DSE: variants seen among roughly 807,000 people sequenced by gnomAD.
DSE encodes the protein dermatan-sulfate epimerase.
A neutral mutation model predicts 84.4 loss-of-function variants in DSE; 36 were observed. The ratio of observed to expected loss-of-function variants is 0.43; its 90% CI spans 0.33 to 0.56. The LOEUF (loss-of-function observed/expected upper bound fraction) is 0.56, where lower values mean the gene tolerates loss of function less well. Ranked by LOEUF, DSE falls within the 20% of genes least tolerant of loss-of-function variation. The probability of loss-of-function intolerance (pLI) is 0.06; values close to 1 mark genes in which losing one functional copy is unlikely to be tolerated. For synonymous variants in DSE, 410 were observed against 430.1 expected (o/e 0.95, Z 0.58); for missense variants, 862 against 1,169.6 (o/e 0.74, Z 3.84).
intron 2 of DSE, among the ~76,000 whole-genome samples, chr6:116,332,339 G>C (rs1776998738): frequency 6.6e-6 from 1 of 151,816 alleles, no homozygotes; most frequent in African/African-American, 2.4e-5. Context: ...CTGAGCTTTA[G>C]ATCCAAAGAA....
At chr6:116,289,613 A>T (rs754173564) in intron 2 of DSE, among the ~76,000 whole-genome samples, 1 of 152,148 alleles carries the variant, frequency 6.6e-6, no homozygotes, top group Admixed American at 6.5e-5. Flanking sequence ...TTTCAGAACA[A>T]CTAGACCTTC....
intron 2 of DSE, chr6:116,279,950 C>G (rs549453965): frequency 1.7e-5 from 24 of 1,437,778 alleles, no homozygotes; most frequent in East Asian, 2.3e-5. Context: ...GCGGCGGTGT[C>G]GTCAGGACTG....
At chr6:116,434,686 A>G (rs1157431108) in intron 5 of DSE, among the ~76,000 whole-genome samples, 4 of 152,202 alleles carry the variant, frequency 2.6e-5, no homozygotes, top group Admixed American at 6.5e-5. Context: ...GCTTACATCT[A>G]CACTTTTTAA....
At chr6:116,402,461 T>G (rs1270289090) in intron 2 of DSE, among the ~76,000 whole-genome samples, 2 of 152,124 alleles carry the variant, frequency 1.3e-5, no homozygotes, top group African/African-American at 4.8e-5. Flanking sequence ...CTATCTACCT[T>G]ATAGGGTTGC....
At chr6:116,368,660 C>T (rs929769367), upstream of DSE, among the ~76,000 whole-genome samples, 1 of 152,178 alleles carries the variant, frequency 6.6e-6, no homozygotes, top group Non-Finnish European at 1.5e-5. Context: ...TAGGGAAATA[C>T]AGTAATTACA....
intron 2 of DSE, among the ~76,000 whole-genome samples, chr6:116,291,932 T>C (rs972423119): frequency 3.9e-5 from 6 of 152,140 alleles, no homozygotes; most frequent in African/African-American, 1.4e-4. Flanking sequence ...GATTGAGTTA[T>C]GGAATACAGG....
At chr6:116,328,107 T>C (rs541496984) in intron 2 of DSE, among the ~76,000 whole-genome samples, 1 of 152,290 alleles carries the variant, frequency 6.6e-6, no homozygotes, top group South Asian at 2.1e-4. Context: ...AAGCACCAAA[T>C]GGGCATTTCT....
chr6:116,390,211 G>C (rs1204816637), intron 1 of DSE, among the ~76,000 whole-genome samples: 1 of 151,826 alleles, frequency 6.6e-6, no homozygotes, highest in Non-Finnish European at 1.5e-5. Flanking sequence ...GGGACCCCAG[G>C]TACATGCCAC....
At chr6:116,339,628 A>C (rs1352782293) in intron 2 of DSE, among the ~76,000 whole-genome samples, 1 of 152,238 alleles carries the variant, frequency 6.6e-6, no homozygotes, top group Non-Finnish European at 1.5e-5. Context: ...GTGAGCAAGT[A>C]ATGAAAGCCT....
chr6:116,357,543 A>G (rs1453874577), intron 2 of DSE, among the ~76,000 whole-genome samples: 1 of 152,160 alleles, frequency 6.6e-6, no homozygotes, highest in Non-Finnish European at 1.5e-5. Context: ...AAAAAAAAAA[A>G]AAGTTATCTT....
intron 2 of DSE, among the ~76,000 whole-genome samples, chr6:116,275,145 C>T (rs1190387124): frequency 2.0e-5 from 3 of 152,166 alleles, no homozygotes; most frequent in Non-Finnish European, 2.9e-5. Flanking sequence ...TCAGACTAGC[C>T]ACATTTCAAG....
At chr6:116,310,669 C>T (rs1775642867) in intron 2 of DSE, among the ~76,000 whole-genome samples, 1 of 152,138 alleles carries the variant, frequency 6.6e-6, no homozygotes, top group African/African-American at 2.4e-5. Flanking sequence ...CCCAAATCTA[C>T]ACACTTTTCA....
At chr6:116,311,601 TG>T (rs1246583957) in intron 2 of DSE, among the ~76,000 whole-genome samples, 2 of 152,148 alleles carry the variant, frequency 1.3e-5, no homozygotes, top group Non-Finnish European at 2.9e-5. Flanking sequence ...TAAAAAAGAA[TG>T]AAGAGGATCA....
chr6:116,426,293 A>C (rs1186750079), intron 2 of DSE, among the ~76,000 whole-genome samples: 2 of 152,200 alleles, frequency 1.3e-5, no homozygotes, highest in African/African-American at 4.8e-5. Flanking sequence ...ATCTCTTTGA[A>C]TATATTCTAC....
intron 2 of DSE, among the ~76,000 whole-genome samples, chr6:116,334,884 A>C (rs1172889419): frequency 6.6e-6 from 1 of 152,228 alleles, no homozygotes; most frequent in Non-Finnish European, 1.5e-5. Context: ...AAAAGTCAAA[A>C]TATAACAGAT....
At position 116,439,038 on chromosome 6, in the gene DSE, G is replaced by T. The variant is rs1784339805; in HGVS notation, c.*1693G>T. 6.6e-6 allele frequency: 1 copy of T among 152,138 alleles called. No individual in the cohort carries two copies. The highest frequency in any genetic ancestry group is 2.4e-5 in the African/African-American group (1 of 41,442). The allele number at this position is 152,138 out of a possible 1,614,324, so 9.4% of individuals were successfully genotyped here. On this transcript the variant is annotated 3_prime_UTR_variant, in exon 6 of 6. Coordinates refer to ENST00000644252, the MANE Select transcript of DSE (RefSeq NM_013352.4). ...AAAGAATAATGCTTCCGTTTGTCCT[G>T]CATGGATGCTCTTACTAGGATTTAA...
intron 2 of DSE, among the ~76,000 whole-genome samples, chr6:116,336,650 G>A (rs1366671314): frequency 6.6e-6 from 1 of 151,942 alleles, no homozygotes; most frequent in Non-Finnish European, 1.5e-5. Flanking sequence ...AGCTACTCGG[G>A]AGGCTGAGGC....
intron 1 of DSE, among the ~76,000 whole-genome samples, chr6:116,387,300 A>G (rs941627682): frequency 3.9e-5 from 6 of 152,090 alleles, no homozygotes; most frequent in South Asian, 2.1e-4. Flanking sequence ...AGTACTTAGG[A>G]AAAAAAAGCA....
At chr6:116,264,665 AG>A (rs1166366727) in intron 2 of DSE, among the ~76,000 whole-genome samples, 2 of 152,118 alleles carry the variant, frequency 1.3e-5, no homozygotes, top group Non-Finnish European at 2.9e-5. Flanking sequence ...TTGAGTTGTC[AG>A]GGTTCTTGTG....
Sources: allele counts gnomAD v4.1 joint callset (sites outside exome capture counted in the v4.1 genomes callset), GRCh38; gene constraint gnomAD v4.1.1; transcripts MANE v1.5; gene names NCBI Gene and HGNC (gene_info 2026-07-23, HGNC 2026-07-21).